CHST8: variants seen among roughly 807,000 people sequenced by gnomAD.
CHST8 encodes the protein GALNAC-4-ST1.
Under a neutral mutation model 15.0 loss-of-function variants are expected in CHST8, and 10 were observed. The observed-to-expected ratio is 0.67, with a 90% CI of 0.41 to 1.13. The LOEUF is 1.13. CHST8 is among the 50% of genes most tolerant of loss of function. The probability of loss-of-function intolerance (pLI) is 0.00; values close to 1 mark genes in which losing one functional copy is unlikely to be tolerated. For missense variants in CHST8, 634 were observed against 608.2 expected (o/e 1.04, Z -0.45); for synonymous variants, 259 against 256.6 (o/e 1.01, Z -0.09).
chr19:33,706,956 C>T (rs568417166), intron 3 of CHST8, among the ~76,000 whole-genome samples: 7 of 152,218 alleles, frequency 4.6e-5, no homozygotes, highest in South Asian at 2.1e-4. Context: ...CACTTTCACT[C>T]ACTTATTTTA....
At chr19:33,753,339 G>A (rs1031260532) in intron 3 of CHST8, among the ~76,000 whole-genome samples, 4 of 150,996 alleles carry the variant, frequency 2.6e-5, no homozygotes, top group Non-Finnish European at 5.9e-5. Flanking sequence ...ACCACCAACT[G>A]TCCTCCATCT....
intron 3 of CHST8, among the ~76,000 whole-genome samples, chr19:33,755,257 GC>G (rs564773377): frequency 2.6e-4 from 40 of 152,000 alleles, no homozygotes; most frequent in Non-Finnish European, 4.9e-4. Flanking sequence ...TGCTCACCCC[GC>G]CCCATACTCC....
chr19:33,727,945 C>T (rs532397349), intron 3 of CHST8, among the ~76,000 whole-genome samples: 51 of 152,334 alleles, frequency 3.3e-4, no homozygotes, highest in South Asian at 8.3e-4. Flanking sequence ...CTGGCCCAGC[C>T]CCGGCCCACA....
chr19:33,758,439 C>T (rs1335984815), intron 3 of CHST8, among the ~76,000 whole-genome samples: 1 of 152,204 alleles, frequency 6.6e-6, no homozygotes, highest in Non-Finnish European at 1.5e-5. Context: ...TCTGCAGAGC[C>T]CCACCCAGGC....
At chr19:33,637,503 C>T (rs1405266908) in intron 1 of CHST8, among the ~76,000 whole-genome samples, 1 of 151,178 alleles carries the variant, frequency 6.6e-6, no homozygotes, top group Admixed American at 6.6e-5. Flanking sequence ...TCTGGGTTCA[C>T]GCCATTCTCC....
intron 1 of CHST8, among the ~76,000 whole-genome samples, chr19:33,655,572 G>T (rs1972501691): frequency 6.6e-6 from 1 of 152,138 alleles, no homozygotes. Flanking sequence ...TGGGGGTGGG[G>T]AGGACTGTTT....
intron 3 of CHST8, among the ~76,000 whole-genome samples, chr19:33,715,244 T>G (rs1973645036): frequency 2.0e-5 from 3 of 152,142 alleles, no homozygotes; most frequent in Admixed American, 6.5e-5. Context: ...TGCCAGAAGC[T>G]CCCAATCCCC....
At chr19:33,725,986 C>A (rs567382748) in intron 3 of CHST8, among the ~76,000 whole-genome samples, 1 of 152,224 alleles carries the variant, frequency 6.6e-6, no homozygotes, top group Non-Finnish European at 1.5e-5. Flanking sequence ...CAGAGAGAAG[C>A]TTTCAGGGTG....
chr19:33,763,900 G>T (rs1974783177), intron 3 of CHST8, among the ~76,000 whole-genome samples: 1 of 152,208 alleles, frequency 6.6e-6, no homozygotes, highest in Admixed American at 6.5e-5. Flanking sequence ...GTGTGGCCCG[G>T]TCCCAAAGCA....
intron 2 of CHST8, among the ~76,000 whole-genome samples, chr19:33,687,412 G>A (rs1300522319): frequency 1.3e-5 from 2 of 152,222 alleles, no homozygotes; most frequent in Non-Finnish European, 2.9e-5. Flanking sequence ...TGGCCTCGGT[G>A]GATGACAGGA....
In CHST8 at chr19:33,757,482, GAA is replaced by G. The variant is rs1568358598; in HGVS notation, c.131-13929_131-13928del. Among the ~76,000 whole-genome samples, 6 of 44,560 alleles carry G rather than the reference GAA, an allele frequency of 1.3e-4. 1 individual carries two copies. Among genetic ancestry groups the G allele is most frequent in the African/African-American group, 2.9e-4 (3 of 10,198 alleles). 29.2% of individuals were successfully genotyped at this position (44,560 alleles called of 152,430 possible). A position where few individuals can be genotyped will look rare whatever the true frequency, so the allele number is the denominator to read the frequency against. Reference sequence around the variant, plus strand: ...AGAAAGAAAGAAAGAAAGAAAGAAAGAAAGAAAGAAAGAAAGAAAGAAAGAAA... The same window carrying G: ...AGAAAGAAAGAAAGAAAGAAAGAAAGAGAAAGAAAGAAAGAAAGAAAGAAA... On this transcript the variant is annotated intron_variant, in intron 3 of 4. Coordinates refer to ENST00000650847, the MANE Select transcript of CHST8 (RefSeq NM_001127895.2).
In CHST8 at chr19:33,772,572, G is replaced by A; in HGVS notation, c.784G>A (p.Glu262Lys). The part of the protein sequence containing the change: ...TKMLFVREPF[E>K]RLVSAFRDKF... ...GATGCTCTTTGTCCGCGAGCCCTTCGAGAGGCTGGTGTCCGCCTTCCGCGA... is the reference window on the plus strand; with the variant it reads ...GATGCTCTTTGTCCGCGAGCCCTTCAAGAGGCTGGTGTCCGCCTTCCGCGA... Residue 262 changes from glutamate to lysine, a missense_variant, in exon 5 of 5, where the codon GAG becomes AAG. Transcript: ENST00000650847. The A allele has an allele frequency of 1.9e-6, 3 of 1,614,008 alleles. No homozygotes were observed. Among genetic ancestry groups the A allele is most frequent in the Non-Finnish European group, 2.5e-6 (3 of 1,180,038 alleles).
intron 1 of CHST8, among the ~76,000 whole-genome samples, chr19:33,660,559 T>A (rs559291791): frequency 2.0e-5 from 3 of 152,134 alleles, no homozygotes; most frequent in Non-Finnish European, 4.4e-5. Context: ...CGGGCTGCCC[T>A]CATTGCCCAT....
At chr19:33,696,421 C>T (rs1412311828) in intron 3 of CHST8, among the ~76,000 whole-genome samples, 3 of 152,050 alleles carry the variant, frequency 2.0e-5, no homozygotes, top group Admixed American at 1.3e-4. Flanking sequence ...TCGGTGGCCA[C>T]ATTAGAGTCC....
intron 3 of CHST8, among the ~76,000 whole-genome samples, chr19:33,711,549 TG>T (rs1470249251): frequency 6.6e-6 from 1 of 152,216 alleles, no homozygotes; most frequent in Non-Finnish European, 1.5e-5. Flanking sequence ...TCTGTACTTC[TG>T]TAAGAAGAAA....
At chr19:33,696,713 A>G (rs1202156009) in intron 3 of CHST8, among the ~76,000 whole-genome samples, 1 of 152,028 alleles carries the variant, frequency 6.6e-6, no homozygotes, top group Non-Finnish European at 1.5e-5. Context: ...GGTGCCAAAA[A>G]TGTTGGGGAC....
chr19:33,772,668 A>G lies in CHST8; in HGVS notation c.880A>G (p.Asn294Asp). The stretch of plus-strand genomic sequence containing the variant: ...GGCCATCCTGGCCCGGTACCGCGCC[A>G]ATGCCTCTCGGGAGGCCCTGCGGAC... ...GKAILARYRA[N>D]ASREALRTGS... Residue 294 changes from asparagine to aspartate, a missense_variant, in exon 5 of 5, where the codon AAT becomes GAT. By Grantham distance (23) the Asn-to-Asp change is conservative. Transcript: ENST00000650847. The G allele has an allele frequency of 6.2e-7, 1 of 1,613,792 alleles. No homozygotes were observed. The highest frequency in any genetic ancestry group is 1.1e-5 in the South Asian group (1 of 91,082).
chr19:33,768,101 G>A (rs1270456680), intron 3 of CHST8, among the ~76,000 whole-genome samples: 1 of 152,156 alleles, frequency 6.6e-6, no homozygotes, highest in Non-Finnish European at 1.5e-5. Flanking sequence ...GCAGACCCCT[G>A]CCCCAGGATA....
At chr19:33,628,972 C>A (rs980253938) in intron 1 of CHST8, among the ~76,000 whole-genome samples, 2 of 152,162 alleles carry the variant, frequency 1.3e-5, no homozygotes, top group Admixed American at 6.5e-5. Flanking sequence ...GGTTGTGTGG[C>A]CCCACTGTGC....
Sources: allele counts gnomAD v4.1 joint callset (sites outside exome capture counted in the v4.1 genomes callset), GRCh38; gene constraint gnomAD v4.1.1; transcripts MANE v1.5; gene names NCBI Gene and HGNC (gene_info 2026-07-23, HGNC 2026-07-21).